KLK5: variants seen among roughly 807,000 people sequenced by gnomAD.
KLK5 encodes the protein kallikrein-5.
KLK5 carries 18 observed loss-of-function variants against 24.0 expected under a neutral mutation model. That is an observed-to-expected ratio of 0.75 (90% CI 0.52 to 1.11). The LOEUF (loss-of-function observed/expected upper bound fraction) is 1.11. Ranked by LOEUF, KLK5 falls within the 50% of genes most tolerant of loss-of-function variation. The pLI is 0.00. For synonymous variants in KLK5, 140 were observed against 154.0 expected, an observed-to-expected ratio of 0.91 and a Z score of 0.67; for missense variants, 374 against 379.2, an observed-to-expected ratio of 0.99 and a Z score of 0.11.
Position 50,947,027 on chromosome 19 carries a change from G to T in KLK5, c.726+1613C>A, listed in dbSNP as rs2090642047. Among the ~76,000 whole-genome samples, 1 of 152,048 alleles carries T rather than the reference G, an allele frequency of 6.6e-6. No individual in the cohort carries two copies. Among genetic ancestry groups the T allele is most frequent in the Non-Finnish European group, 1.5e-5 (1 of 68,016 alleles). On this transcript the variant is annotated intron_variant, in intron 5 of 5. Transcript: ENST00000336334. The surrounding 1 kb of genome is among the most constrained non-coding windows in gnomAD (Gnocchi z 8.7). ...GGACTGGAGTACTCCTGAATCCCCA[G>T]CTTCCTAACTACTGTTGAAACACAC... is the stretch of plus-strand genomic sequence containing the variant.
rs768379221 is a variant in KLK5, at chr19:50,947,038, A to G, written c.726+1602T>C. On this transcript the variant is annotated intron_variant, in intron 5 of 5. Coordinates refer to ENST00000336334, the MANE Select transcript of KLK5 (RefSeq NM_012427.5). This position sits in a 1 kb window ranked among gnomAD's most constrained non-coding sequence, Gnocchi z 8.7. ...CTCCTGAATCCCCAGCTTCCTAACT[A>G]CTGTTGAAACACACACCCTGCTAAT... 6.6e-6 allele frequency among the ~76,000 whole-genome samples: 1 copy of G among 151,980 alleles called. No individual in the cohort carries two copies. Among genetic ancestry groups the G allele is most frequent in the Non-Finnish European group, 1.5e-5 (1 of 67,996 alleles).
rs2090609171 is a variant in KLK5, at chr19:50,943,797, G to C, written c.727-11C>G. On this transcript the variant is annotated splice_polypyrimidine_tract_variant and intron_variant, in intron 5 of 5. Transcript: ENST00000336334. The stretch of plus-strand genomic sequence containing the variant: ...CCCCCCAGAATCACCCTGCAGGAGA[G>C]AAAGGGGGGCATGAGAGAGGCAGAG... 10 of 1,606,480 alleles carry C rather than the reference G, an allele frequency of 6.2e-6. No individual in the cohort carries two copies. The highest frequency in any genetic ancestry group is 1.1e-5 in the South Asian group (1 of 90,458).
Position 50,948,765 on chromosome 19 carries a change from G to T in KLK5, c.601C>A (p.Pro201Thr). 1 of 1,614,072 alleles carries T rather than the reference G, an allele frequency of 6.2e-7. No homozygotes were observed. The highest frequency in any genetic ancestry group is 8.5e-7 in the Non-Finnish European group (1 of 1,180,024). Residue 201 changes from proline (P) to threonine (T), a missense_variant, in exon 5 of 6, where the codon CCT (proline) becomes ACT (threonine). Physicochemically the swap from Pro to Thr is conservative, Grantham distance 38 (BLOSUM62 -1). Coordinates refer to ENST00000336334, the MANE Select transcript of KLK5 (RefSeq NM_012427.5). The stretch of plus-strand genomic sequence containing the variant: ...ATATTCAAGCACTGGAGGACCTTAG[G>T]GAAGTGCACTGTCAAACAGGAACAC... The part of the protein sequence containing the change: ...GTTKSPQVHF[P>T]KVLQCLNISV...
intron 2 of KLK5, among the ~76,000 whole-genome samples, chr19:50,951,960 A>G (rs780968418): frequency 6.6e-6 from 1 of 152,074 alleles, no homozygotes; most frequent in Non-Finnish European, 1.5e-5. Flanking sequence ...CAGCTGCACC[A>G]TCACACATAC....
chr19:50,952,196 G>A (rs1386314334), intron 2 of KLK5, among the ~76,000 whole-genome samples: 2 of 50,098 alleles, frequency 4.0e-5, no homozygotes, highest in South Asian at 6.7e-4. Context: ...GCAGATACCT[G>A]CAGTCATATA....
chr19:50,949,185 C>T (rs1428614873), intron 3 of KLK5, 70 bp from the exon 4 acceptor site: 13 of 1,518,550 alleles, frequency 8.6e-6, no homozygotes, highest in Non-Finnish European at 1.2e-5. Context: ...ATCCCAACCC[C>T]ACACCCAGCC....
At position 50,948,935 on chromosome 19, in the gene KLK5, G is replaced by A; in HGVS notation, c.516C>T (p.Ile172=). Residue 172 remains isoleucine, a synonymous_variant, in exon 4 of 6, where the codon ATC becomes ATT. Transcript: ENST00000336334. ...CAGAGGGACAATGAGAGGAGACGTT[G>A]ATGGGTCTGACATCTTTAGTGGGAC... is the stretch of plus-strand genomic sequence containing the variant. ...RIRPTKDVRP[I]NVSSHCPSAG... 6.2e-7 allele frequency: 1 copy of A among 1,614,102 alleles called. No homozygotes were observed. Among genetic ancestry groups the A allele is most frequent in the South Asian group, 1.1e-5 (1 of 91,074 alleles).
chr19:50,952,692 T>G, intron 1 of KLK5, 24 bp from the exon 2 acceptor site: 1 of 1,551,810 alleles, frequency 6.4e-7, no homozygotes, highest in Non-Finnish European at 8.7e-7. Flanking sequence ...GTCAGAGGGT[T>G]GGGAGGCCCA....
rs113457597 is a variant in KLK5 at position 50,948,638 on chromosome 19, A to G, written c.726+2T>C. 1.2e-6 allele frequency: 2 copies of G among 1,613,966 alleles called. No individual in the cohort carries two copies. The highest frequency in any genetic ancestry group is 1.7e-5 in the Admixed American group (1 of 59,994). ...CTGCTGAATAAAGAGAGGTGTCCTC[A>G]CCTGGCAGGAGTCTCTACCTGCTTT... On this transcript the variant is annotated splice_donor_variant, in intron 5 of 5. Transcript: ENST00000336334. LOFTEE classifies it high-confidence loss of function.
intron 2 of KLK5, among the ~76,000 whole-genome samples, chr19:50,951,838 C>G (rs1418792611): frequency 1.3e-5 from 2 of 152,182 alleles, no homozygotes; most frequent in Non-Finnish European, 2.9e-5. Context: ...CTGCCACATA[C>G]TCTTCTGCAC....
Position 50,950,035 on chromosome 19 carries a change from G to A in KLK5, c.155C>T (p.Ala52Val). ...VPSGSNQDLG[A>V]GAGEDARSDD... ...CGACCGGGCGTCTTCCCCGGCCCCA[G>A]CTCCCAGGTCCTGGTTGCTCCCAGA... Residue 52 changes from alanine to valine, a missense_variant, in exon 3 of 6, where the codon GCT becomes GTT. Coordinates refer to ENST00000336334, the MANE Select transcript of KLK5 (RefSeq NM_012427.5). 1 of 1,613,716 alleles carries A rather than the reference G, an allele frequency of 6.2e-7. No homozygotes were observed. Among genetic ancestry groups the A allele is most frequent in the Non-Finnish European group, 8.5e-7 (1 of 1,179,916 alleles).
chr19:50,952,466 A>G (rs2090695825), intron 2 of KLK5, 119 bp downstream of exon 2: 2 of 621,662 alleles, frequency 3.2e-6, no homozygotes, highest in Non-Finnish European at 5.3e-6. Context: ...AGAGACTCAC[A>G]TTCACCCGGT....
chr19:50,950,790 GT>G (rs1458589844), intron 2 of KLK5, among the ~76,000 whole-genome samples: 2 of 151,882 alleles, frequency 1.3e-5, no homozygotes, highest in Non-Finnish European at 2.9e-5. Context: ...TACTCAGGAG[GT>G]GGAGGCACGA....
Position 50,952,927 on chromosome 19 carries a change from C to A in KLK5, c.-192G>T. On this transcript the variant is annotated 5_prime_UTR_variant, in exon 1 of 6. Transcript: ENST00000336334. ...ACCTCTCCTTCCCTGCCTGCTGAGC[C>A]ACCCTCACCAGGTCTCACTTGCCCT... The A allele has an allele frequency of 3.1e-6, 1 of 327,616 alleles. No individual in the cohort carries two copies. Among genetic ancestry groups the A allele is most frequent in the Non-Finnish European group, 5.5e-6 (1 of 180,346 alleles). The allele number at this position is 327,616 out of a possible 1,614,324, so 20.3% of individuals were successfully genotyped here. A position where few individuals can be genotyped will look rare whatever the true frequency, so the allele number is the denominator to read the frequency against.
At chr19:50,952,339 AAAGGG>A (rs2090694582) in intron 2 of KLK5, among the ~76,000 whole-genome samples, 1 of 152,152 alleles carries the variant, frequency 6.6e-6, no homozygotes, top group Non-Finnish European at 1.5e-5. Context: ...ACACAGCCTC[AAAGGG>A]TCAGTGCCAC....
chr19:50,949,785 ACCCCCACTTCCCCACCCCCAC>A, intron 3 of KLK5, 49 bp downstream of exon 3: 1 of 253,222 alleles, frequency 3.9e-6, no homozygotes, highest in Non-Finnish European at 6.8e-6. Context: ...TGACACCCCC[ACCCCCACTTCCCCACCCCCAC>A]CCCCACTTCC....
rs1473258951 is a variant in KLK5 at position 50,949,912 on chromosome 19, C to T, written c.278G>A (p.Cys93Tyr). 4 of 1,613,350 alleles carry T rather than the reference C, an allele frequency of 2.5e-6. No homozygotes were observed. Among genetic ancestry groups the T allele is most frequent in the African/African-American group, 1.3e-5 (1 of 74,652 alleles). The part of the protein sequence containing the change: ...ALLLRPNQLY[C>Y]GAVLVHPQWL... Reference sequence around the variant, plus strand: ...CTGTGGATGCACCAACACCGCCCCGCAGTAGAGCTGGTTGGGCCTTAGCAA... The same window carrying T: ...CTGTGGATGCACCAACACCGCCCCGTAGTAGAGCTGGTTGGGCCTTAGCAA... Residue 93 changes from cysteine (C) to tyrosine (Y), a missense_variant, in exon 3 of 6, where the codon TGC (cysteine) becomes TAC (tyrosine). Cys to Tyr is a radical substitution (Grantham distance 194). Transcript: ENST00000336334.
At chr19:50,944,693 T>G (rs1027335226) in intron 5 of KLK5, among the ~76,000 whole-genome samples, 7 of 152,180 alleles carry the variant, frequency 4.6e-5, no homozygotes, top group Non-Finnish European at 7.3e-5. Flanking sequence ...GTGTGCATCA[T>G]AGCATGTTGA....
At position 50,950,385 on chromosome 19, in the gene KLK5, A is replaced by G; in HGVS notation, c.74-269T>C. ...ACTACATGTGAGGGTAAAATTGGGTACAGGATTCCTGGACAAGCTCAGGGG... is the reference window on the plus strand; with the variant it reads ...ACTACATGTGAGGGTAAAATTGGGTGCAGGATTCCTGGACAAGCTCAGGGG... On this transcript the variant is annotated intron_variant, in intron 2 of 5. Transcript: ENST00000336334. 5.8e-6 allele frequency: 3 copies of G among 518,778 alleles called. No homozygotes were observed. The East Asian group carries it at 1.0e-4, about 18-fold the overall frequency. The allele number at this position is 518,778 out of a possible 1,614,324, so 32.1% of individuals were successfully genotyped here.
Sources: allele counts gnomAD v4.1 joint callset (sites outside exome capture counted in the v4.1 genomes callset), GRCh38; gene constraint gnomAD v4.1.1; non-coding constraint Gnocchi (gnomAD v3.1); transcripts MANE v1.5; gene names NCBI Gene and HGNC (gene_info 2026-07-23, HGNC 2026-07-21).